Variants in PANK4 observed in about 807,000 individuals in gnomAD.
The protein encoded by PANK4 is 4'-phosphopantetheine phosphatase.
PANK4 carries 40 observed loss-of-function variants against 87.9 expected under a neutral mutation model. The observed-to-expected ratio is 0.46, with a 90% CI of 0.35 to 0.59. The LOEUF (loss-of-function observed/expected upper bound fraction) is 0.59, where lower values mean the gene tolerates loss of function less well. PANK4 is among the 20% of genes least tolerant of loss of function. PANK4 has a pLI of 0.00. For missense variants in PANK4, 926 were observed against 1,072.3 expected (o/e 0.86, Z 1.90); for synonymous variants, 524 against 467.4 (o/e 1.12, Z -1.56).
Position 2,521,311 on chromosome 1 carries a change from G to C in PANK4, c.212C>G (p.Thr71Arg), listed in dbSNP as rs140795573. The change falls in exon 3 of 19, where the codon ACA becomes AGA. Residue 71 changes from threonine (T) to arginine (R), a missense_variant. By Grantham distance (71) the Thr-to-Arg change is moderately conservative (BLOSUM62 -1). Coordinates refer to ENST00000378466, the MANE Select transcript of PANK4 (RefSeq NM_018216.4). ...ATAGGGCGGCTCATGTTCACGTTCT[G>C]TGTCCTGGAAAACAGAGTAGGGGAG... ...VRSFDHSGKD[T>R]EREHEPPYEI... is the part of the protein sequence containing the mutation. 2 of 1,613,040 alleles carry C rather than the reference G, an allele frequency of 1.2e-6. No homozygotes were observed. The highest frequency in any genetic ancestry group is 1.7e-5 in the Admixed American group (1 of 60,008).
At chr1:2,523,730 C>T (rs932988525) in intron 1 of PANK4, among the ~76,000 whole-genome samples, 3 of 152,212 alleles carry the variant, frequency 2.0e-5, no homozygotes, top group Admixed American at 6.5e-5. Context: ...GCGAGGGGCA[C>T]GCACAGCAGG....
intron 1 of PANK4, among the ~76,000 whole-genome samples, chr1:2,524,509 G>A (rs557782504): frequency 1.6e-4 from 25 of 152,286 alleles, no homozygotes; most frequent in South Asian, 6.2e-4. Context: ...ACTTTGAAGA[G>A]GGGAAATAAA....
rs142138216 is a variant in PANK4, at chr1:2,520,285, G to A, written c.699+37C>T. 16 of 1,573,042 alleles carry A rather than the reference G, an allele frequency of 1.0e-5. No individual in the cohort carries two copies. The highest frequency in any genetic ancestry group is 4.4e-5 in the South Asian group (4 of 90,278). On this transcript the variant is annotated intron_variant, in intron 5 of 18. Transcript: ENST00000378466. This position sits in a 1 kb window ranked among gnomAD's most constrained non-coding sequence, Gnocchi z 6.2. ...TCGGGGGAAGGAAGCAGACATCTCC[G>A]CAGACCCCTGGAAGGTCTCTGGCAG...
rs776038667 is a variant in PANK4, at chr1:2,521,188, A to G, written c.335T>C (p.Leu112Pro). The G allele has an allele frequency of 6.2e-7, 1 of 1,613,946 alleles. No homozygotes were observed. Among genetic ancestry groups the G allele is most frequent in the Non-Finnish European group, 8.5e-7 (1 of 1,180,000 alleles). The change falls in exon 3 of 19, where the codon CTC becomes CCC. Residue 112 changes from leucine (L) to proline (P), a missense_variant. Leu to Pro is a moderately conservative substitution (Grantham distance 98). Transcript: ENST00000378466. The part of the protein sequence containing the change: ...EACLDFIKDH[L>P]VNTETKVIQA... Reference sequence around the variant, plus strand: ...GATGACCTTGGTCTCTGTGTTGACGAGATGGTCTTTGATGAAGTCCAGGCA... The same window carrying G: ...GATGACCTTGGTCTCTGTGTTGACGGGATGGTCTTTGATGAAGTCCAGGCA...
chr1:2,524,820 A>G (rs1226464055), intron 1 of PANK4, among the ~76,000 whole-genome samples: 1 of 152,242 alleles, frequency 6.6e-6, no homozygotes, highest in Non-Finnish European at 1.5e-5. Context: ...AGAACCTTGC[A>G]GAGCACACGC....
At chr1:2,511,758 C>T in intron 13 of PANK4, 75 bp from the exon 14 acceptor site, 1 of 871,460 alleles carries the variant, frequency 1.1e-6, no homozygotes, top group South Asian at 1.4e-5. Context: ...ATGTGAAGAC[C>T]CCAAATCCCT....
intron 3 of PANK4, 70 bp downstream of exon 3, chr1:2,521,031 C>T (rs1056349026): frequency 1.4e-5 from 21 of 1,533,722 alleles, no homozygotes; most frequent in Non-Finnish European, 1.7e-5. Flanking sequence ...GCCAGGGACG[C>T]GGCTCTGGGA....
chr1:2,520,261 C>A lies in PANK4; in HGVS notation c.699+61G>T. 6.7e-7 allele frequency: 1 copy of A among 1,502,648 alleles called. No homozygotes were observed. The highest frequency in any genetic ancestry group is 9.3e-7 in the Non-Finnish European group (1 of 1,080,744). 93.1% of individuals were successfully genotyped at this position (1,502,648 alleles called of 1,614,324 possible). On this transcript the variant is annotated intron_variant, in intron 5 of 18. Coordinates refer to ENST00000378466, the MANE Select transcript of PANK4 (RefSeq NM_018216.4). The surrounding 1 kb of genome is among the most constrained non-coding windows in gnomAD (Gnocchi z 6.2). ...TTTGCACCGCCCAGCTGCAGGCCTT[C>A]GGGGGAAGGAAGCAGACATCTCCGC...
Position 2,508,719 on chromosome 1 carries a change from G to A in PANK4, c.*128C>T, listed in dbSNP as rs1490116885. ...GCCTCTGGGTCACACGCATCTGTGC[G>A]GCTGGGGTGTATGTGCCGCGTCACA... is the stretch of plus-strand genomic sequence containing the variant. On this transcript the variant is annotated 3_prime_UTR_variant, in exon 19 of 19. Coordinates refer to ENST00000378466, the MANE Select transcript of PANK4 (RefSeq NM_018216.4). The surrounding 1 kb of genome is among the most constrained non-coding windows in gnomAD (Gnocchi z 5.1). 4.7e-6 allele frequency: 3 copies of A among 644,458 alleles called. No individual in the cohort carries two copies. The highest frequency in any genetic ancestry group is 8.4e-6 in the Non-Finnish European group (3 of 356,240). The allele number at this position is 644,458 out of a possible 1,614,324, so 39.9% of individuals were successfully genotyped here.
chr1:2,518,258 T>G lies in PANK4; in HGVS notation c.1124A>C (p.Asn375Thr). The G allele has an allele frequency of 6.2e-7, 1 of 1,609,888 alleles. No individual in the cohort carries two copies. Among genetic ancestry groups the G allele is most frequent in the South Asian group, 1.1e-5 (1 of 90,936 alleles). Residue 375 changes from asparagine (N) to threonine (T), a missense_variant, in exon 9 of 19, where the codon AAC becomes ACC. By Grantham distance (65) the Asn-to-Thr change is moderately conservative. Coordinates refer to ENST00000378466, the MANE Select transcript of PANK4 (RefSeq NM_018216.4). ...ATAGTTCTCTCCCCAGCTGTACTGG[T>G]TAGGATCTGGAAAGCAAGAAGCCAG... ...FLKGAEQDNP[N>T]QYSWGENYAG...
At chr1:2,511,782 G>C (rs1398387826) in intron 13 of PANK4, 99 bp from the exon 14 acceptor site, 2 of 739,380 alleles carry the variant, frequency 2.7e-6, no homozygotes, top group African/African-American at 3.5e-5. Flanking sequence ...AGGCGGGACA[G>C]AGGCAGCTGC....
In PANK4 at chr1:2,519,010, G is replaced by C. The variant is rs1032339055; in HGVS notation, c.1035+133C>G. 5 of 802,236 alleles carry C rather than the reference G, an allele frequency of 6.2e-6. No homozygotes were observed. In the African/African-American group the frequency reaches 6.9e-5, roughly 11 times the overall value. The allele number at this position is 802,236 out of a possible 1,614,324, so 49.7% of individuals were successfully genotyped here. A position where few individuals can be genotyped will look rare whatever the true frequency, so the allele number is the denominator to read the frequency against. On this transcript the variant is annotated intron_variant, in intron 7 of 18. Transcript: ENST00000378466. This position sits in a 1 kb window ranked among gnomAD's most constrained non-coding sequence, Gnocchi z 8.3. ...AGGCTGCCCAGAATCAGTCAGAAGG[G>C]AGGGGTGCTGGGCTTCTTGGCCCCC... is the stretch of plus-strand genomic sequence containing the variant.
chr1:2,512,788 G>A (rs560855571), intron 13 of PANK4, 100 bp downstream of exon 13: 79 of 1,233,930 alleles, frequency 6.4e-5, no homozygotes, highest in Non-Finnish European at 8.4e-5. Context: ...CAAGCGCCAC[G>A]TGACCCCCAA....
rs765983544 is a variant in PANK4, at chr1:2,520,899, T to G, written c.430A>C (p.Lys144Gln). The part of the protein sequence containing the change: ...IEEKLRLKVD[K>Q]EDVMTCLIKG... ...ATCAGGCACGTCATCACGTCCTCCT[T>G]GTCGACTCTGAAAAGGAAGCGCCAA... is the stretch of plus-strand genomic sequence containing the variant. Residue 144 changes from lysine (K) to glutamine (Q), a missense_variant, in exon 4 of 19, where the codon AAG (lysine) becomes CAG (glutamine). Coordinates refer to ENST00000378466, the MANE Select transcript of PANK4 (RefSeq NM_018216.4). The surrounding 1 kb of genome is among the most constrained non-coding windows in gnomAD (Gnocchi z 6.2). 1.3e-6 allele frequency: 2 copies of G among 1,547,878 alleles called. No homozygotes were observed. The highest frequency in any genetic ancestry group is 1.7e-6 in the Non-Finnish European group (2 of 1,148,702).
In PANK4 at chr1:2,515,862, C is replaced by T; in HGVS notation, c.1219-145G>A. The T allele has an allele frequency of 2.4e-6, 2 of 824,532 alleles. No homozygotes were observed. The highest frequency in any genetic ancestry group is 3.8e-6 in the Non-Finnish European group (2 of 528,936). 51.1% of individuals were successfully genotyped at this position (824,532 alleles called of 1,614,324 possible). The stretch of plus-strand genomic sequence containing the variant: ...CTCTGGGCCACAGACGAGACCCCCA[C>T]TGGGCCCCCTCAGCTGCCCGGCGGC... On this transcript the variant is annotated intron_variant, in intron 9 of 18. Transcript: ENST00000378466. The surrounding 1 kb of genome is among the most constrained non-coding windows in gnomAD (Gnocchi z 5.0).
Position 2,519,815 on chromosome 1 carries a change from G to A in PANK4, c.839C>T (p.Ala280Val). Reference protein sequence around the residue: ...NLIASSFGKSATADQEFSKED... With the variant: ...NLIASSFGKSVTADQEFSKED... ...GGGGTGAGCACCTTGGTCGGCGGTGGCCGACTTCCCGAAGCTGCTGGCGAT... is the reference window on the plus strand; with the variant it reads ...GGGGTGAGCACCTTGGTCGGCGGTGACCGACTTCCCGAAGCTGCTGGCGAT... The change falls in exon 6 of 19, where the codon GCC becomes GTC. Residue 280 changes from alanine to valine, a missense_variant. Ala to Val is a moderately conservative substitution (Grantham distance 64, BLOSUM62 0). Coordinates refer to ENST00000378466, the MANE Select transcript of PANK4 (RefSeq NM_018216.4). The surrounding 1 kb of genome is among the most constrained non-coding windows in gnomAD (Gnocchi z 8.3). 1 of 1,579,620 alleles carries A rather than the reference G, an allele frequency of 6.3e-7. No homozygotes were observed.
At position 2,519,186 on chromosome 1, in the gene PANK4, A is replaced by G. The variant is rs773917310; in HGVS notation, c.992T>C (p.Val331Ala). Residue 331 changes from valine (V) to alanine (A), a missense_variant, in exon 7 of 19, where the codon GTG becomes GCG. Transcript: ENST00000378466. The surrounding 1 kb of genome is among the most constrained non-coding windows in gnomAD (Gnocchi z 8.3). ...GCTATAGGTGATGGTGCGCATGGTC[A>G]CGGGGTGGCCCCGGATAAAGAAGCC... ...FGGFFIRGHP[V>A]TMRTITYSIN... The G allele has an allele frequency of 1.2e-5, 19 of 1,612,596 alleles. No individual in the cohort carries two copies. In the African/African-American group the frequency reaches 2.4e-4, roughly 20 times the overall value.
Position 2,512,939 on chromosome 1 carries a change from T to C in PANK4, c.1676A>G (p.Lys559Arg). ...GWEERQLALV[K>R]GLLAGNVFDW... ...GAAGACATTCCCCGCCAGGAGGCCT[T>C]TCACCAGCGCCAGCTGCCGTTCCTC... The change falls in exon 13 of 19, where the codon AAA becomes AGA. Residue 559 changes from lysine (K) to arginine (R), a missense_variant. Coordinates refer to ENST00000378466, the MANE Select transcript of PANK4 (RefSeq NM_018216.4). The C allele has an allele frequency of 6.2e-7, 1 of 1,612,778 alleles. No homozygotes were observed. Among genetic ancestry groups the C allele is most frequent in the Non-Finnish European group, 8.5e-7 (1 of 1,179,862 alleles).
chr1:2,521,656 G>A (rs768793755), intron 2 of PANK4, 62 bp downstream of exon 2: 13 of 1,279,696 alleles, frequency 1.0e-5, no homozygotes, highest in Non-Finnish European at 1.4e-5. Flanking sequence ...CGAGACAAGT[G>A]CCAGGTCCAA....
Sources: gnomAD v4.1 joint callset for allele counts (sites outside exome capture counted in the v4.1 genomes callset) on GRCh38, gnomAD v4.1.1 for gene constraint, Gnocchi (gnomAD v3.1) non-coding constraint, MANE v1.5 for transcripts, NCBI Gene and HGNC (gene_info 2026-07-23, HGNC 2026-07-21) for gene names.